ANKRD27: variants seen among roughly 807,000 people sequenced by gnomAD.
ANKRD27 encodes the protein ankyrin repeat domain-containing protein 27.
In ANKRD27, 112 loss-of-function variants were observed where a neutral mutation model predicts 129.7. The observed-to-expected ratio is 0.86, with a 90% CI of 0.74 to 1.01. ANKRD27 has a LOEUF of 1.01. Ranked by LOEUF, ANKRD27 falls within the 50% of genes least tolerant of loss-of-function variation. ANKRD27 has a pLI of 0.00. For missense variants in ANKRD27, 1,258 were observed against 1,300.5 expected, an observed-to-expected ratio of 0.97 and a Z score of 0.50; for synonymous variants, 516 against 511.2, an observed-to-expected ratio of 1.01 and a Z score of -0.13.
chr19:32,615,967 G>A (rs1462407399), intron 21 of ANKRD27, among the ~76,000 whole-genome samples, 187 bp from the exon 22 acceptor site: 2 of 152,134 alleles, frequency 1.3e-5, no homozygotes, highest in African/African-American at 4.8e-5. Flanking sequence ...CACAGCTTAT[G>A]CCAGAGATTA....
Position 32,606,878 on chromosome 19 carries a change from G to A in ANKRD27, c.2373+757C>T, listed in dbSNP as rs577140471. ...AGTACTTTGGGAAGCCAAGGTGGGA[G>A]GATCGCTTGAGCTCAGGAGTTCAAC... On this transcript the variant is annotated intron_variant, in intron 23 of 28. Coordinates refer to ENST00000306065, the MANE Select transcript of ANKRD27 (RefSeq NM_032139.3). Among the ~76,000 whole-genome samples, 50 of 144,786 alleles carry A rather than the reference G, an allele frequency of 3.5e-4. No homozygotes were observed. The South Asian group carries it at 3.5e-3, about 10-fold the overall frequency. The allele number at this position is 144,786 out of a possible 152,430, so 95.0% of individuals were successfully genotyped here.
chr19:32,649,005 TGCC>T (rs1382103060), intron 3 of ANKRD27, among the ~76,000 whole-genome samples: 1 of 150,834 alleles, frequency 6.6e-6, no homozygotes, highest in Non-Finnish European at 1.5e-5. Flanking sequence ...CTCACTCTGT[TGCC>T]CAGGCTACAG....
intron 22 of ANKRD27, among the ~76,000 whole-genome samples, chr19:32,612,182 T>C (rs778039182): frequency 6.6e-6 from 1 of 152,064 alleles, no homozygotes; most frequent in Non-Finnish European, 1.5e-5. Flanking sequence ...GCAGGATCTG[T>C]ATGCTGAAAA....
intron 22 of ANKRD27, among the ~76,000 whole-genome samples, 172 bp from the exon 23 acceptor site, chr19:32,608,004 CCTT>C (rs1427625952): frequency 4.9e-5 from 5 of 101,568 alleles, no homozygotes; most frequent in Admixed American, 9.0e-5. Context: ...AAAACAACTT[CCTT>C]TTTTTTTTTT....
chr19:32,618,405 C>T (rs983901542), intron 20 of ANKRD27, among the ~76,000 whole-genome samples: 4 of 142,588 alleles, frequency 2.8e-5, no homozygotes, highest in Non-Finnish European at 6.1e-5. Context: ...ATGACTGTAC[C>T]ACTGCACTCC....
chr19:32,628,029 G>C lies in ANKRD27; in HGVS notation c.1420+54C>G, dbSNP rs1966921775. On this transcript the variant is annotated intron_variant, in intron 15 of 28. Transcript: ENST00000306065. ...CCAGGCCTCTCTGCTGGGTCACCTTGGGCACCATCCCTTTGCTGTGACAGC... is the reference window on the plus strand; with the variant it reads ...CCAGGCCTCTCTGCTGGGTCACCTTCGGCACCATCCCTTTGCTGTGACAGC... 15 of 1,547,292 alleles carry C rather than the reference G, an allele frequency of 9.7e-6. No homozygotes were observed. In the South Asian group the frequency reaches 1.6e-4, roughly 16 times the overall value.
chr19:32,611,255 C>T (rs1971831241), intron 22 of ANKRD27, among the ~76,000 whole-genome samples: 1 of 152,124 alleles, frequency 6.6e-6, no homozygotes, highest in African/African-American at 2.4e-5. Context: ...GCAATCTCGC[C>T]ACACACAGGT....
At position 32,597,068 on chromosome 19, in the gene ANKRD27, A is replaced by C. The variant is rs1971579854; in HGVS notation, c.*1077T>G. 1 of 152,644 alleles carries C rather than the reference A, an allele frequency of 6.6e-6. No homozygotes were observed. The highest frequency in any genetic ancestry group is 1.5e-5 in the Non-Finnish European group (1 of 68,040). The allele number at this position is 152,644 out of a possible 1,614,324, so 9.5% of individuals were successfully genotyped here. On this transcript the variant is annotated 3_prime_UTR_variant, in exon 29 of 29. Transcript: ENST00000306065. ...TTGGCACATATCCAAGGCACATTAG[A>C]AAATTAGAAATCATAAATTACTTTG... is the stretch of plus-strand genomic sequence containing the variant.
At chr19:32,640,137 T>A (rs909035624) in intron 11 of ANKRD27, among the ~76,000 whole-genome samples, 170 bp downstream of exon 11, 3 of 152,300 alleles carry the variant, frequency 2.0e-5, no homozygotes, top group African/African-American at 7.2e-5. Flanking sequence ...AATTTTTTTG[T>A]ATTTTTTAGT....
At chr19:32,661,754 T>G (rs1429858674) in intron 1 of ANKRD27, among the ~76,000 whole-genome samples, 3 of 152,296 alleles carry the variant, frequency 2.0e-5, no homozygotes, top group Non-Finnish European at 4.4e-5. Context: ...GTCGGCCCTG[T>G]GGAACTCACA....
At chr19:32,661,592 C>G (rs71351184) in intron 1 of ANKRD27, among the ~76,000 whole-genome samples, 1 of 152,172 alleles carries the variant, frequency 6.6e-6, no homozygotes, top group Non-Finnish European at 1.5e-5. Flanking sequence ...ATCCTCCCAC[C>G]TCAGCCTCCC....
intron 21 of ANKRD27, 36 bp from the exon 22 acceptor site, chr19:32,615,816 C>T (rs768539404): frequency 6.2e-7 from 1 of 1,601,206 alleles, no homozygotes. Flanking sequence ...GGAACACATC[C>T]TCAGCGTCTT....
chr19:32,656,113 A>AAAGAAAGAAAGAAAG (rs1385844156), intron 2 of ANKRD27, among the ~76,000 whole-genome samples: 2 of 113,772 alleles, frequency 1.8e-5, no homozygotes, highest in East Asian at 6.1e-4. Flanking sequence ...GAAAGAAAAG[A>AAAGAAAGAAAGAAAG]AAAGAAAAGA....
At chr19:32,666,807 C>T (rs1967767725) in intron 1 of ANKRD27, among the ~76,000 whole-genome samples, 1 of 151,928 alleles carries the variant, frequency 6.6e-6, no homozygotes, top group Admixed American at 6.6e-5. Flanking sequence ...CTACCACTCC[C>T]GGCTAATTTT....
intron 13 of ANKRD27, among the ~76,000 whole-genome samples, chr19:32,630,218 A>G (rs1200158886): frequency 6.6e-6 from 1 of 152,202 alleles, no homozygotes; most frequent in Non-Finnish European, 1.5e-5. Flanking sequence ...TGCAGAGCTC[A>G]CCTGGTGCTT....
At chr19:32,669,969 C>T (rs1967835123) in intron 1 of ANKRD27, among the ~76,000 whole-genome samples, 1 of 149,172 alleles carries the variant, frequency 6.7e-6, no homozygotes, top group Admixed American at 6.7e-5. Context: ...GCACTCCAGC[C>T]TGAGTGACAG....
rs1967352284 is a variant in ANKRD27 at position 32,648,775 on chromosome 19, G to A, written c.213+907C>T. ...TGATAGCGCCACTGCACTCCAGCCT[G>A]GTGACAGAGCAAGATTCCATCTCAA... is the stretch of plus-strand genomic sequence containing the variant. On this transcript the variant is annotated intron_variant, in intron 3 of 28. Transcript: ENST00000306065. Among the ~76,000 whole-genome samples, 3 of 150,638 alleles carry A rather than the reference G, an allele frequency of 2.0e-5. No individual in the cohort carries two copies. The East Asian group carries it at 5.8e-4, about 29-fold the overall frequency.
At chr19:32,673,193 A>G (rs1967906118) in intron 1 of ANKRD27, 2 of 755,634 alleles carry the variant, frequency 2.6e-6, no homozygotes, top group Non-Finnish European at 3.2e-6. Context: ...CTGCCGGCCA[A>G]GATTATTTCA....
intron 13 of ANKRD27, 100 bp from the exon 14 acceptor site, chr19:32,628,949 C>A (rs2059651070): frequency 6.6e-6 from 9 of 1,362,350 alleles, no homozygotes; most frequent in African/African-American, 1.4e-5. Flanking sequence ...GAGATGGAGT[C>A]TCGTCCTGTC....
Sources: allele counts gnomAD v4.1 joint callset (sites outside exome capture counted in the v4.1 genomes callset), GRCh38; gene constraint gnomAD v4.1.1; transcripts MANE v1.5; gene names NCBI Gene and HGNC (gene_info 2026-07-23, HGNC 2026-07-21).